Variants in TBATA observed in about 807,000 individuals in gnomAD.
The protein encoded by TBATA is protein TBATA.
TBATA carries 47 observed loss-of-function variants against 38.7 expected under a neutral mutation model. That is an observed-to-expected ratio of 1.21 (90% CI 0.96 to 1.55). The LOEUF is 1.55. TBATA is among the 40% of genes most tolerant of loss of function. The pLI, the probability that TBATA is intolerant of heterozygous loss-of-function variation, is 0.00. For missense variants in TBATA, 436 were observed against 435.6 expected (o/e 1.00, Z -0.01); for synonymous variants, 183 against 170.5 (o/e 1.07, Z -0.57).
In TBATA at chr10:70,777,421, G is replaced by A. The variant is rs962052731; in HGVS notation, c.508-83C>T. On this transcript the variant is annotated intron_variant, in intron 6 of 10. Transcript: ENST00000456372. ...GAGGGGAGGAGAGGAGCAGGAGGCC[G>A]GGTCACAATCCCAGGGCACTTCGCC... 3.2e-5 allele frequency: 43 copies of A among 1,325,844 alleles called. 1 individual carries two copies. The Admixed American group carries it at 6.3e-4, about 19-fold the overall frequency. 82.1% of individuals were successfully genotyped at this position (1,325,844 alleles called of 1,614,324 possible).
At chr10:70,776,612 C>A (rs1052060903) in intron 7 of TBATA, among the ~76,000 whole-genome samples, 1 of 152,196 alleles carries the variant, frequency 6.6e-6, no homozygotes, top group African/African-American at 2.4e-5. Flanking sequence ...CTACCTCTGG[C>A]CTTTCTTGGA....
At position 70,771,276 on chromosome 10, in the gene TBATA, G is replaced by T; in HGVS notation, c.*100C>A. The T allele has an allele frequency of 6.2e-7, 1 of 1,609,630 alleles. No homozygotes were observed. The highest frequency in any genetic ancestry group is 8.5e-7 in the Non-Finnish European group (1 of 1,177,244). ...GGTTTTATTTAGTAAGAGTTTTCACGGTAGGGAATCAGGTACTGCTGTGAA... is the reference window on the plus strand; with the variant it reads ...GGTTTTATTTAGTAAGAGTTTTCACTGTAGGGAATCAGGTACTGCTGTGAA... On this transcript the variant is annotated 3_prime_UTR_variant, in exon 11 of 11. Transcript: ENST00000456372.
Position 70,771,349 on chromosome 10 carries a change from C to G in TBATA, c.*27G>C. 6.2e-7 allele frequency: 1 copy of G among 1,614,196 alleles called. No homozygotes were observed. Among genetic ancestry groups the G allele is most frequent in the East Asian group, 2.2e-5 (1 of 44,888 alleles). On this transcript the variant is annotated 3_prime_UTR_variant, in exon 11 of 11. Transcript: ENST00000456372. ...CTGAACCCTTGGGGCTGCTCTTGAG[C>G]AAGGCAGGTGCAAGTGTTAGGGCCC...
At chr10:70,777,657 C>A (rs138894517) in intron 6 of TBATA, 4 of 412,286 alleles carry the variant, frequency 9.7e-6, no homozygotes, top group African/African-American at 2.0e-5. Flanking sequence ...TGGATGCCCG[C>A]GGGTGGTTCT....
intron 7 of TBATA, among the ~76,000 whole-genome samples, chr10:70,776,176 T>C (rs1843370910): frequency 6.6e-6 from 1 of 152,186 alleles, no homozygotes. Flanking sequence ...CAGGTCGGCC[T>C]CATCCTCAGC....
Position 70,784,651 on chromosome 10 carries a change from T to G in TBATA, c.-151A>C, listed in dbSNP as rs1457712929. On this transcript the variant is annotated 5_prime_UTR_variant, in exon 2 of 11. Transcript: ENST00000456372. ...AGCCCGGGCAGTCTGACTCACAGTT[T>G]GCTGATCTTTTCTTTCCTTAAAAGG... is the stretch of plus-strand genomic sequence containing the variant. 1.3e-5 allele frequency: 2 copies of G among 152,174 alleles called. No individual in the cohort carries two copies. The highest frequency in any genetic ancestry group is 2.9e-5 in the Non-Finnish European group (2 of 68,036). The allele number at this position is 152,174 out of a possible 1,614,324, so 9.4% of individuals were successfully genotyped here.
At chr10:70,780,931 A>T (rs1844127448) in intron 4 of TBATA, among the ~76,000 whole-genome samples, 1 of 152,172 alleles carries the variant, frequency 6.6e-6, no homozygotes, top group Admixed American at 6.5e-5. Context: ...CACACTTAAG[A>T]CAGAGGCCAG....
At chr10:70,777,522 G>T (rs994799030) in intron 6 of TBATA, among the ~76,000 whole-genome samples, 184 bp from the exon 7 acceptor site, 1 of 151,944 alleles carries the variant, frequency 6.6e-6, no homozygotes, top group African/African-American at 2.4e-5. Context: ...AACCTCACCT[G>T]CCCTAGACCC....
At chr10:70,772,639 A>G (rs2132805289) in intron 9 of TBATA, 73 bp from the exon 10 acceptor site, 1 of 1,518,364 alleles carries the variant, frequency 6.6e-7, no homozygotes, top group East Asian at 2.3e-5. Flanking sequence ...CAGGGGAGAC[A>G]GGGAGGTGGG....
In TBATA at chr10:70,783,383, A is replaced by G. The variant is rs1156252620; in HGVS notation, c.-4T>C. 6.8e-6 allele frequency: 11 copies of G among 1,614,112 alleles called. No individual in the cohort carries two copies. Among genetic ancestry groups the G allele is most frequent in the Non-Finnish European group, 9.3e-6 (11 of 1,179,970 alleles). The stretch of plus-strand genomic sequence containing the variant: ...CCAATTGAACATCTGTAGCCATTGT[A>G]TGCTTTTTAACAGACTAAAGGCCAG... On this transcript the variant is annotated 5_prime_UTR_variant, in exon 3 of 11. Transcript: ENST00000456372.
chr10:70,775,322 A>G lies in TBATA; in HGVS notation c.694-52T>C, dbSNP rs1196347056. ...AGCCAGGAGTACAGGCAAGGAGTAC[A>G]GGCAAATGTAGGTTTGGAGGGCACC... is the stretch of plus-strand genomic sequence containing the variant. On this transcript the variant is annotated intron_variant, in intron 7 of 10. Coordinates refer to ENST00000456372, the MANE Select transcript of TBATA (RefSeq NM_001318241.2). 6 of 1,512,426 alleles carry G rather than the reference A, an allele frequency of 4.0e-6. No individual in the cohort carries two copies. In the East Asian group the frequency reaches 9.1e-5, roughly 23 times the overall value. 93.7% of individuals were successfully genotyped at this position (1,512,426 alleles called of 1,614,324 possible).
rs189505214 is a variant in TBATA, at chr10:70,781,469, G to T, written c.277+332C>A. Reference sequence around the variant, plus strand: ...ACACTCAATCAATATTTGATGGCTGGCTGGATGGCTGAGTGGCTGACATGG... The same window carrying T: ...ACACTCAATCAATATTTGATGGCTGTCTGGATGGCTGAGTGGCTGACATGG... On this transcript the variant is annotated intron_variant, in intron 4 of 10. Coordinates refer to ENST00000456372, the MANE Select transcript of TBATA (RefSeq NM_001318241.2). 1.3e-3 allele frequency among the ~76,000 whole-genome samples: 193 copies of T among 152,358 alleles called. 3 individuals carry two copies. Among genetic ancestry groups the T allele is most frequent in the Admixed American group, 0.011 (165 of 15,304 alleles).
At chr10:70,771,483 G>A in intron 10 of TBATA, 22 bp from the exon 11 acceptor site, 1 of 1,610,664 alleles carries the variant, frequency 6.2e-7, no homozygotes. Flanking sequence ...AGAGACAGCA[G>A]GCAGGAGAGG....
Position 70,781,866 on chromosome 10 carries a change from C to A in TBATA, c.212G>T (p.Arg71Leu), listed in dbSNP as rs201452160. Reference protein sequence around the residue: ...PQTPGTYCFGRLSHHSFFSRH... With the variant: ...PQTPGTYCFGLLSHHSFFSRH... ...GGAGAAGAAGGAGTGGTGACTGAGGCGTCCAAAGCAGTAGGTGCCAGGGGT... is the reference window on the plus strand; with the variant it reads ...GGAGAAGAAGGAGTGGTGACTGAGGAGTCCAAAGCAGTAGGTGCCAGGGGT... The change falls in exon 4 of 11, where the codon CGC becomes CTC. Residue 71 changes from arginine (R) to leucine (L), a missense_variant. Coordinates refer to ENST00000456372, the MANE Select transcript of TBATA (RefSeq NM_001318241.2). The A allele has an allele frequency of 1.2e-6, 2 of 1,614,140 alleles. No individual in the cohort carries two copies. Among genetic ancestry groups the A allele is most frequent in the Admixed American group, 1.7e-5 (1 of 60,020 alleles).
chr10:70,779,770 G>A (rs1843912224), intron 4 of TBATA, 28 bp from the exon 5 acceptor site: 7 of 1,518,034 alleles, frequency 4.6e-6, no homozygotes, highest in Non-Finnish European at 6.1e-6. Context: ...CTGTGGGAAG[G>A]GAGGCTTAGG....
rs1317340482 is a variant in TBATA, at chr10:70,778,606, GC to G, written c.457del (p.Ala153LeufsTer13). 1 of 1,614,084 alleles carries G rather than the reference GC, an allele frequency of 6.2e-7. No individual in the cohort carries two copies. The highest frequency in any genetic ancestry group is 8.5e-7 in the Non-Finnish European group (1 of 1,180,052). Reference sequence around the variant, plus strand: ...CTTGGTGAGGAAGGCCACCCGGGAAGCTAGCTCCTTCAACTCCTTCTTCCAG... The same window carrying G: ...CTTGGTGAGGAAGGCCACCCGGGAAGTAGCTCCTTCAACTCCTTCTTCCAG... ...EAWKKELKEL[A>X]SRVAFLTKED... On this transcript the variant is annotated frameshift_variant, in exon 6 of 11. Coordinates refer to ENST00000456372, the MANE Select transcript of TBATA (RefSeq NM_001318241.2). LOFTEE classifies it high-confidence loss of function.
At chr10:70,778,685 C>A (rs777794248) in intron 5 of TBATA, 49 bp from the exon 6 acceptor site, 1 of 1,543,576 alleles carries the variant, frequency 6.5e-7, no homozygotes, top group South Asian at 1.1e-5. Context: ...GGGCCCTCCT[C>A]CCCTCCCTGT....
rs531810379 is a variant in TBATA, at chr10:70,782,832, C to T, written c.41+507G>A. ...CCTGCCTGATCGCTGTCTGCATGCC[C>T]TTCTCACGGTGGCCCTGGCTGAAGG... On this transcript the variant is annotated intron_variant, in intron 3 of 10. Coordinates refer to ENST00000456372, the MANE Select transcript of TBATA (RefSeq NM_001318241.2). Among the ~76,000 whole-genome samples, 28 of 152,336 alleles carry T rather than the reference C, an allele frequency of 1.8e-4. 1 individual carries two copies. The South Asian group carries it at 5.6e-3, about 30-fold the overall frequency.
chr10:70,777,823 C>T (rs1843623859), intron 6 of TBATA: 1 of 455,430 alleles, frequency 2.2e-6, no homozygotes, highest in African/African-American at 2.0e-5. Flanking sequence ...CTGGGGCCTC[C>T]TGCTCTTGCA....
Sources: allele counts gnomAD v4.1 joint callset (sites outside exome capture counted in the v4.1 genomes callset), GRCh38; gene constraint gnomAD v4.1.1; transcripts MANE v1.5; gene names NCBI Gene and HGNC (gene_info 2026-07-23, HGNC 2026-07-21).